SEC11C: variants seen among roughly 807,000 people sequenced by gnomAD.
The protein encoded by SEC11C is SEC11 homolog C, signal peptidase complex subunit.
A neutral mutation model predicts 21.9 loss-of-function variants in SEC11C; 10 were observed. The ratio of observed to expected loss-of-function variants is 0.46; its 90% CI spans 0.28 to 0.77. The LOEUF (loss-of-function observed/expected upper bound fraction) is 0.77. Ranked by LOEUF, SEC11C falls within the 30% of genes least tolerant of loss-of-function variation. The pLI is 0.12. For synonymous variants in SEC11C, 83 were observed against 85.6 expected (o/e 0.97, Z 0.17); for missense variants, 145 against 244.5 (o/e 0.59, Z 2.71).
chr18:59,153,416 A>C (rs1333637439), intron 3 of SEC11C: 1 of 152,206 alleles, frequency 6.6e-6, no homozygotes, highest in East Asian at 1.9e-4. Context: ...TGTGAGTCAT[A>C]GAATTAAATT....
intron 1 of SEC11C, among the ~76,000 whole-genome samples, chr18:59,145,679 T>C (rs2069266244): frequency 6.6e-6 from 1 of 152,202 alleles, no homozygotes; most frequent in Non-Finnish European, 1.5e-5. Flanking sequence ...AGGCAGGGCA[T>C]AGACAACCAG....
At chr18:59,145,943 C>T (rs148185009) in intron 1 of SEC11C, among the ~76,000 whole-genome samples, 6 of 152,272 alleles carry the variant, frequency 3.9e-5, no homozygotes, top group Admixed American at 2.0e-4. Context: ...GTATAGTAAG[C>T]GACACCATCT....
At chr18:59,149,825 G>A (rs1474625274) in intron 2 of SEC11C, among the ~76,000 whole-genome samples, 2 of 152,090 alleles carry the variant, frequency 1.3e-5, no homozygotes, top group African/African-American at 4.8e-5. Context: ...ATCTTTCTTA[G>A]TAGACATTTT....
chr18:59,146,354 A>G (rs1348691470), intron 1 of SEC11C, among the ~76,000 whole-genome samples: 1 of 152,186 alleles, frequency 6.6e-6, no homozygotes, highest in Non-Finnish European at 1.5e-5. Context: ...AGGATGGGGT[A>G]TCTTTAAAGA....
intron 3 of SEC11C, among the ~76,000 whole-genome samples, chr18:59,154,542 A>G (rs1363737911): frequency 6.6e-6 from 1 of 152,164 alleles, no homozygotes; most frequent in Non-Finnish European, 1.5e-5. Context: ...TCTTTAACAC[A>G]CTGGTGTTAT....
chr18:59,143,860 T>TCTTTTTTCTTTC (rs57259686), intron 1 of SEC11C, among the ~76,000 whole-genome samples: 1 of 151,612 alleles, frequency 6.6e-6, no homozygotes, highest in Non-Finnish European at 1.5e-5. Flanking sequence ...ATTTTCTTTT[T>TCTTTTTTCTTTC]TTTTTTTTTG....
chr18:59,148,455 G>A (rs1028501511), intron 1 of SEC11C, among the ~76,000 whole-genome samples: 8 of 152,226 alleles, frequency 5.3e-5, no homozygotes, highest in Non-Finnish European at 5.9e-5. Context: ...TGTCAGCAAG[G>A]AAGAGCCTGT....
intron 4 of SEC11C, 71 bp from the exon 5 acceptor site, chr18:59,157,537 T>A (rs2069431987): frequency 1.0e-6 from 1 of 981,574 alleles, no homozygotes; most frequent in African/African-American, 1.6e-5. Flanking sequence ...TGATCTATAG[T>A]GTTTTCAGAT....
chr18:59,140,087 G>C, intron 1 of SEC11C, 52 bp downstream of exon 1: 1 of 1,460,506 alleles, frequency 6.8e-7, no homozygotes, highest in Non-Finnish European at 9.2e-7. Context: ...CTGTGCTAGC[G>C]GGGAGTCGGG....
chr18:59,144,544 G>T (rs917396557), intron 1 of SEC11C, among the ~76,000 whole-genome samples: 2 of 151,972 alleles, frequency 1.3e-5, no homozygotes, highest in African/African-American at 2.4e-5. Flanking sequence ...AACATAAAAA[G>T]ACCCCATTTC....
intron 3 of SEC11C, among the ~76,000 whole-genome samples, chr18:59,153,706 A>G (rs1603377968): frequency 6.8e-6 from 1 of 148,044 alleles, no homozygotes; most frequent in African/African-American, 2.5e-5. Flanking sequence ...ATGCACCATC[A>G]TGCCTGGCTA....
intron 1 of SEC11C, among the ~76,000 whole-genome samples, chr18:59,146,814 T>C (rs1278918755): frequency 6.6e-6 from 1 of 152,074 alleles, no homozygotes; most frequent in Admixed American, 6.5e-5. Flanking sequence ...GGAGGAGGTA[T>C]AGAGCCGTGA....
intron 3 of SEC11C, 78 bp from the exon 4 acceptor site, chr18:59,155,610 G>T: frequency 2.7e-6 from 4 of 1,485,044 alleles, no homozygotes; most frequent in Non-Finnish European, 3.7e-6. Flanking sequence ...TGACAGTAAA[G>T]TCTTGAGTAA....
chr18:59,142,181 G>A (rs1256397839), intron 1 of SEC11C, among the ~76,000 whole-genome samples: 1 of 152,148 alleles, frequency 6.6e-6, no homozygotes, highest in Non-Finnish European at 1.5e-5. Context: ...TTAAAAGTGT[G>A]ATCTGTGGTT....
In SEC11C at chr18:59,142,613, T is replaced by TTTG. The variant is rs762680869; in HGVS notation, c.87+2591_87+2593dup. On this transcript the variant is annotated intron_variant, in intron 1 of 5. Coordinates refer to ENST00000587834, the MANE Select transcript of SEC11C (RefSeq NM_033280.4). ...GCTGATTTTACTTTAGAAGCAGTGT[T>TTTG]TTGTTGTTGTTGTTGGAATCTCAAT... Among the ~76,000 whole-genome samples, 8 of 152,268 alleles carry TTTG rather than the reference T, an allele frequency of 5.3e-5. No individual in the cohort carries two copies. The East Asian group carries it at 1.5e-3, about 29-fold the overall frequency.
At chr18:59,140,086 CG>C in intron 1 of SEC11C, 51 bp downstream of exon 1, 1 of 1,457,934 alleles carries the variant, frequency 6.9e-7, no homozygotes, top group Non-Finnish European at 9.2e-7. Flanking sequence ...CCTGTGCTAG[CG>C]GGGAGTCGGG....
chr18:59,145,133 C>G (rs141283276), intron 1 of SEC11C, among the ~76,000 whole-genome samples: 100 of 152,272 alleles, frequency 6.6e-4, no homozygotes, highest in African/African-American at 2.4e-3. Context: ...CAAAGAAATA[C>G]AGGATGCAGT....
At chr18:59,151,202 C>G (rs1472380655) in intron 2 of SEC11C, among the ~76,000 whole-genome samples, 4 of 152,174 alleles carry the variant, frequency 2.6e-5, no homozygotes, top group Non-Finnish European at 5.9e-5. Context: ...GGATCTTTTC[C>G]TAGCTGCAGT....
chr18:59,153,030 A>G (rs544059714), intron 3 of SEC11C: 1 of 161,474 alleles, frequency 6.2e-6, no homozygotes, highest in Admixed American at 6.3e-5. Context: ...GATGGTTTTG[A>G]TATGAAAATT....
Sources: gnomAD v4.1 joint callset for allele counts (sites outside exome capture counted in the v4.1 genomes callset) on GRCh38, gnomAD v4.1.1 for gene constraint, MANE v1.5 for transcripts, NCBI Gene and HGNC (gene_info 2026-07-23, HGNC 2026-07-21) for gene names.